NKAIN3: variants seen among roughly 807,000 people sequenced by gnomAD.
NKAIN3 encodes sodium/potassium transporting ATPase interacting 3.
A neutral mutation model predicts 30.2 loss-of-function variants in NKAIN3; 25 were observed. The observed-to-expected ratio is 0.83, with a 90% confidence interval of 0.60 to 1.16. NKAIN3 has a LOEUF of 1.16. Among genes scored for constraint, NKAIN3 ranks in the 50% most tolerant of loss-of-function variants. The pLI, the probability that NKAIN3 is intolerant of heterozygous loss-of-function variation, is 0.00. For missense variants in NKAIN3, 225 were observed against 254.1 expected, an observed-to-expected ratio of 0.89 and a Z score of 0.78; for synonymous variants, 91 against 89.6, an observed-to-expected ratio of 1.02 and a Z score of -0.09.
Position 62,671,124 on chromosome 8 carries a change from T to C in NKAIN3, c.274-75808T>C, listed in dbSNP as rs374290722. ...ATGGTTTAGCATGCTGTCTTCATTC[T>C]CACATATTTGAAACTCTTAAGTCTG... On this transcript the variant is annotated intron_variant, in intron 3 of 6. Coordinates refer to ENST00000623646, the MANE Select transcript of NKAIN3 (RefSeq NM_001304533.3). Among the ~76,000 whole-genome samples the C allele has an allele frequency of 4.7e-4, 72 of 152,296 alleles. No individual in the cohort carries two copies. In the South Asian group the frequency reaches 0.013, roughly 28 times the overall value.
intron 1 of NKAIN3, among the ~76,000 whole-genome samples, chr8:62,323,019 CT>C (rs1814992611): frequency 1.3e-5 from 2 of 152,182 alleles, no homozygotes; most frequent in South Asian, 4.1e-4. Flanking sequence ...ATTCAAAACA[CT>C]GACAGCATCC....
chr8:62,570,848 A>G (rs1809913479), intron 1 of NKAIN3, among the ~76,000 whole-genome samples: 1 of 152,102 alleles, frequency 6.6e-6, no homozygotes, highest in Non-Finnish European at 1.5e-5. Context: ...ACTGTTCACT[A>G]CAGGTAGACA....
intron 1 of NKAIN3, among the ~76,000 whole-genome samples, chr8:62,552,197 A>G (rs1585937167): frequency 6.6e-6 from 1 of 152,290 alleles, no homozygotes; most frequent in South Asian, 2.1e-4. Flanking sequence ...ATTTCCAAGT[A>G]TGGTTCTCAT....
intron 5 of NKAIN3, among the ~76,000 whole-genome samples, chr8:62,922,931 T>C (rs1019251410): frequency 6.6e-6 from 1 of 152,098 alleles, no homozygotes; most frequent in Non-Finnish European, 1.5e-5. Context: ...TCTATGAAGG[T>C]AGAATCTTTG....
chr8:62,612,549 T>TC (rs397823597), intron 3 of NKAIN3, among the ~76,000 whole-genome samples: 1 of 151,726 alleles, frequency 6.6e-6, no homozygotes, highest in Non-Finnish European at 1.5e-5. Flanking sequence ...TTTTTTTTTT[T>TC]AATCCAGTAA....
intron 3 of NKAIN3, among the ~76,000 whole-genome samples, chr8:62,628,459 T>A (rs1474531543): frequency 2.0e-5 from 3 of 152,168 alleles, no homozygotes; most frequent in African/African-American, 7.2e-5. Context: ...AATGATCCCA[T>A]TATCTAATGA....
In NKAIN3 at chr8:62,968,514, T is replaced by C. The variant is rs1486120746; in HGVS notation, c.*3107T>C. 6.6e-6 allele frequency among the ~76,000 whole-genome samples: 1 copy of C among 152,190 alleles called. No homozygotes were observed. The highest frequency in any genetic ancestry group is 2.4e-5 in the African/African-American group (1 of 41,456). ...GGGAAAATGAATGCATCCCTTAGCT[T>C]GCATTCATTGGTCAGAATCTTAACT... is the stretch of plus-strand genomic sequence containing the variant. On this transcript the variant is annotated 3_prime_UTR_variant, in exon 7 of 7. Transcript: ENST00000623646.
intron 4 of NKAIN3, among the ~76,000 whole-genome samples, chr8:62,785,171 G>A (rs1817476082): frequency 6.6e-6 from 1 of 152,096 alleles, no homozygotes; most frequent in African/African-American, 2.4e-5. Flanking sequence ...AATGTTCACA[G>A]CAACTTTACT....
intron 3 of NKAIN3, among the ~76,000 whole-genome samples, chr8:62,687,351 C>G (rs1179566169): frequency 6.6e-6 from 1 of 152,336 alleles, no homozygotes; most frequent in South Asian, 2.1e-4. Context: ...ACACTATTCT[C>G]GTCCCTTCAG....
At chr8:62,463,372 C>T (rs1806056094) in intron 1 of NKAIN3, among the ~76,000 whole-genome samples, 1 of 152,170 alleles carries the variant, frequency 6.6e-6, no homozygotes, top group Admixed American at 6.5e-5. Flanking sequence ...AGGTACTTAG[C>T]AGACAAACAA....
chr8:62,987,462 C>T (rs1289956302), downstream of NKAIN3, among the ~76,000 whole-genome samples: 2 of 152,256 alleles, frequency 1.3e-5, no homozygotes, highest in Non-Finnish European at 2.9e-5. Flanking sequence ...AATGGACTCA[C>T]AGTTCCACAT....
intron 3 of NKAIN3, among the ~76,000 whole-genome samples, chr8:62,703,383 G>T (rs1014967391): frequency 1.3e-5 from 2 of 151,982 alleles, no homozygotes; most frequent in African/African-American, 2.4e-5. Context: ...AATTATTAAA[G>T]CTAGGCTTCT....
intron 1 of NKAIN3, among the ~76,000 whole-genome samples, chr8:62,319,736 A>G (rs1272609360): frequency 6.6e-6 from 1 of 152,118 alleles, no homozygotes; most frequent in Non-Finnish European, 1.5e-5. Flanking sequence ...TTTGCTGAGG[A>G]GTGCTTTACT....
chr8:62,499,805 GGTTT>G (rs3059049), intron 1 of NKAIN3, among the ~76,000 whole-genome samples: 90,939 of 150,988 alleles, frequency 0.6, 28,867 homozygotes, highest in South Asian at 0.76. Context: ...GCTGTGATCA[GGTTT>G]GTTTGTTTGT....
intron 5 of NKAIN3, among the ~76,000 whole-genome samples, chr8:62,932,995 A>AACACACAC (rs59854103): frequency 0.021 from 3,027 of 141,658 alleles, 40 homozygotes; most frequent in East Asian, 0.03. Flanking sequence ...TCACTCAATG[A>AACACACAC]ACACACACAC....
intron 3 of NKAIN3, among the ~76,000 whole-genome samples, chr8:62,667,385 A>G (rs1251825209): frequency 6.9e-6 from 1 of 145,920 alleles, no homozygotes; most frequent in African/African-American, 2.5e-5. Flanking sequence ...AAATATATAT[A>G]TATATAAAGA....
intron 1 of NKAIN3, among the ~76,000 whole-genome samples, chr8:62,418,204 C>A (rs1415388729): frequency 6.6e-6 from 1 of 152,046 alleles, no homozygotes; most frequent in African/African-American, 2.4e-5. Flanking sequence ...GTAAAGGGTA[C>A]CTGTGTGAAG....
At chr8:62,500,180 A>T (rs985938735) in intron 1 of NKAIN3, among the ~76,000 whole-genome samples, 4 of 152,014 alleles carry the variant, frequency 2.6e-5, no homozygotes, top group African/African-American at 9.7e-5. Flanking sequence ...AGAGAAGTTA[A>T]ATATGCTGTT....
At chr8:62,699,682 C>T (rs1007066799) in intron 3 of NKAIN3, among the ~76,000 whole-genome samples, 1 of 152,106 alleles carries the variant, frequency 6.6e-6, no homozygotes, top group African/African-American at 2.4e-5. Context: ...TTTAAACTTG[C>T]TTGGGTGTTA....
Sources: gnomAD v4.1 joint callset for allele counts (sites outside exome capture counted in the v4.1 genomes callset) on GRCh38, gnomAD v4.1.1 for gene constraint, MANE v1.5 for transcripts, NCBI Gene and HGNC (gene_info 2026-07-23, HGNC 2026-07-21) for gene names.